B3GALT1: variants seen among roughly 807,000 people sequenced by gnomAD.
B3GALT1 encodes the protein beta-1,3-galactosyltransferase 1, also known as UDP-Gal:betaGlcNAc beta 1,3-galactosyltransferase, polypeptide 1.
B3GALT1 carries 10 observed loss-of-function variants against 23.2 expected under a neutral mutation model. The observed-to-expected ratio is 0.43, with a 90% CI of 0.27 to 0.73. The LOEUF (loss-of-function observed/expected upper bound fraction) is 0.73. B3GALT1 is among the 30% of genes least tolerant of loss of function. B3GALT1 has a pLI of 0.21. For synonymous variants in B3GALT1, 156 were observed against 141.5 expected, an observed-to-expected ratio of 1.10 and a Z score of -0.73; for missense variants, 299 against 405.4, an observed-to-expected ratio of 0.74 and a Z score of 2.25.
At chr2:167,362,075 AAAAAC>A (rs1697508993) in intron 1 of B3GALT1, among the ~76,000 whole-genome samples, 1 of 152,198 alleles carries the variant, frequency 6.6e-6, no homozygotes, top group African/African-American at 2.4e-5. Flanking sequence ...CTCCATCTCA[AAAAAC>A]AAAACAAAAT....
At chr2:167,817,959 A>G (rs1292603996) in intron 3 of B3GALT1, among the ~76,000 whole-genome samples, 1 of 152,172 alleles carries the variant, frequency 6.6e-6, no homozygotes, top group Admixed American at 6.5e-5. Context: ...CTTAAGTGAA[A>G]GGGAAGGTGC....
chr2:167,825,399 G>A (rs1689195838), intron 4 of B3GALT1, among the ~76,000 whole-genome samples: 1 of 150,180 alleles, frequency 6.7e-6, no homozygotes, highest in Admixed American at 6.6e-5. Context: ...GTTAGTCAGG[G>A]CTCTCCAGAG....
chr2:167,352,771 C>A (rs1697338089), intron 1 of B3GALT1, among the ~76,000 whole-genome samples: 1 of 151,828 alleles, frequency 6.6e-6, no homozygotes, highest in African/African-American at 2.4e-5. Flanking sequence ...AGGACTGTTA[C>A]AATAAAAAAC....
chr2:167,805,518 A>G (rs1460566770), intron 3 of B3GALT1, among the ~76,000 whole-genome samples: 12 of 152,204 alleles, frequency 7.9e-5, no homozygotes, highest in African/African-American at 2.9e-4. Flanking sequence ...GGTGTAAGGA[A>G]GAGATCCAGT....
At chr2:167,721,174 A>G (rs1024881503) in intron 3 of B3GALT1, among the ~76,000 whole-genome samples, 1 of 152,200 alleles carries the variant, frequency 6.6e-6, no homozygotes, top group Non-Finnish European at 1.5e-5. Context: ...GTTACAGACA[A>G]TTTAGTTTAT....
chr2:167,352,554 TAAAAAAAA>T (rs763303379), intron 1 of B3GALT1, among the ~76,000 whole-genome samples: 2 of 113,072 alleles, frequency 1.8e-5, no homozygotes, highest in African/African-American at 3.2e-5. Flanking sequence ...CCGTCTCTAC[TAAAAAAAA>T]AAAAAAAAAA....
At chr2:167,597,792 C>T (rs1684806703) in intron 2 of B3GALT1, among the ~76,000 whole-genome samples, 1 of 152,170 alleles carries the variant, frequency 6.6e-6, no homozygotes, top group South Asian at 2.1e-4. Context: ...CTGGGGAAAA[C>T]ATGTAAAAAT....
At chr2:167,570,392 A>T (rs1293803876) in intron 2 of B3GALT1, among the ~76,000 whole-genome samples, 4 of 151,812 alleles carry the variant, frequency 2.6e-5, no homozygotes, top group Non-Finnish European at 5.9e-5. Flanking sequence ...TTGTGTTTTC[A>T]AGGAATGGGT....
chr2:167,597,350 CATGA>C (rs914759703), intron 2 of B3GALT1, among the ~76,000 whole-genome samples: 3 of 152,136 alleles, frequency 2.0e-5, no homozygotes, highest in African/African-American at 7.2e-5. Context: ...CTCCTGACCT[CATGA>C]TCTGCCCGCC....
At chr2:167,399,375 A>G (rs1316937851) in intron 1 of B3GALT1, among the ~76,000 whole-genome samples, 7 of 152,124 alleles carry the variant, frequency 4.6e-5, no homozygotes, top group Admixed American at 3.9e-4. Flanking sequence ...TTTAAATTTA[A>G]ATTATTCTGT....
At chr2:167,449,393 C>G (rs1225593774) in intron 1 of B3GALT1, among the ~76,000 whole-genome samples, 1 of 152,050 alleles carries the variant, frequency 6.6e-6, no homozygotes, top group Non-Finnish European at 1.5e-5. Context: ...GATTTCTCAG[C>G]TTGGTCACTG....
chr2:167,675,071 G>A (rs71428996), intron 3 of B3GALT1, among the ~76,000 whole-genome samples: 15,996 of 152,188 alleles, frequency 0.11, 1,198 homozygotes, highest in East Asian at 0.36. Flanking sequence ...TCCCAGATGA[G>A]CCCCTGTGCA....
At chr2:167,597,297 A>G (rs538300359) in intron 2 of B3GALT1, among the ~76,000 whole-genome samples, 5 of 151,420 alleles carry the variant, frequency 3.3e-5, no homozygotes, top group Admixed American at 1.3e-4. Context: ...TTGTGTTTTC[A>G]GTAGAGACGG....
At chr2:167,483,025 G>C (rs1184993223) in intron 1 of B3GALT1, among the ~76,000 whole-genome samples, 3 of 152,186 alleles carry the variant, frequency 2.0e-5, no homozygotes, top group African/African-American at 7.2e-5. Flanking sequence ...CAGGCGGGGT[G>C]GCTCACTCCT....
chr2:167,573,166 GAT>G (rs1428743219), intron 2 of B3GALT1, among the ~76,000 whole-genome samples: 1 of 151,664 alleles, frequency 6.6e-6, no homozygotes, highest in Non-Finnish European at 1.5e-5. Flanking sequence ...GTTGTAAAGA[GAT>G]AGATTTCTTC....
intron 2 of B3GALT1, among the ~76,000 whole-genome samples, chr2:167,596,268 C>A (rs573688285): frequency 6.6e-6 from 1 of 152,150 alleles, no homozygotes; most frequent in Non-Finnish European, 1.5e-5. Flanking sequence ...CAGGAAGTAC[C>A]TAAAGTGTGG....
chr2:167,564,185 A>C (rs1294938687), intron 2 of B3GALT1, among the ~76,000 whole-genome samples: 1 of 145,458 alleles, frequency 6.9e-6, no homozygotes, highest in Non-Finnish European at 1.5e-5. Context: ...CACTTCTCAG[A>C]CGGGGCGGCC....
At chr2:167,815,014 A>G (rs1688967045) in intron 3 of B3GALT1, 2 of 152,254 alleles carry the variant, frequency 1.3e-5, no homozygotes, top group Admixed American at 1.3e-4. Flanking sequence ...GCCCAAGCCC[A>G]TGCAAGCTGG....
chr2:167,548,146 A>G (rs992868118), intron 2 of B3GALT1, among the ~76,000 whole-genome samples: 2 of 152,200 alleles, frequency 1.3e-5, no homozygotes, highest in Non-Finnish European at 2.9e-5. Context: ...CATTTTACAG[A>G]TGAGAAAAAG....
Sources: allele counts gnomAD v4.1 joint callset (sites outside exome capture counted in the v4.1 genomes callset), GRCh38; gene constraint gnomAD v4.1.1; transcripts MANE v1.5; gene names NCBI Gene and HGNC (gene_info 2026-07-23, HGNC 2026-07-21).